NBAS: variants seen among roughly 807,000 people sequenced by gnomAD.
NBAS encodes NAG/BC035112 fusion.
NBAS carries 219 observed loss-of-function variants against 302.5 expected under a neutral mutation model. The observed-to-expected ratio is 0.72, with a 90% CI of 0.65 to 0.81. The LOEUF is 0.81. Ranked by LOEUF, NBAS falls within the 30% of genes least tolerant of loss-of-function variation. The probability of loss-of-function intolerance (pLI) is 0.00; values close to 1 mark genes in which losing one functional copy is unlikely to be tolerated. For synonymous variants in NBAS, 1,118 were observed against 1,021.6 expected (o/e 1.09, Z -1.80); for missense variants, 2,932 against 2,841.6 (o/e 1.03, Z -0.72).
intron 40 of NBAS, among the ~76,000 whole-genome samples, chr2:15,294,634 C>T (rs1247293851): frequency 1.3e-5 from 2 of 152,214 alleles, no homozygotes; most frequent in Admixed American, 6.5e-5. Context: ...TCTTCACCTG[C>T]TCAGCACTCT....
the NBAS span, among the ~76,000 whole-genome samples, chr2:15,142,620 C>T: frequency 6.6e-6 from 1 of 152,222 alleles, no homozygotes; most frequent in Non-Finnish European, 1.5e-5. Context: ...TTGCTAAAAA[C>T]TCCAAATACA....
At chr2:15,157,182 G>T in the NBAS span, among the ~76,000 whole-genome samples, 61,157 of 151,900 alleles carry the variant, frequency 0.4, 13,330 homozygotes, top group East Asian at 0.57. Flanking sequence ...CTGTCTGATG[G>T]CGAGGTTGCA....
chr2:15,426,678 T>C (rs1464483900), intron 22 of NBAS, among the ~76,000 whole-genome samples: 1 of 152,238 alleles, frequency 6.6e-6, no homozygotes, highest in Admixed American at 6.5e-5. Flanking sequence ...CTCCAGGTAA[T>C]ATTAATGATA....
the NBAS span, among the ~76,000 whole-genome samples, chr2:15,088,753 A>T: frequency 6.6e-6 from 1 of 152,236 alleles, no homozygotes; most frequent in Non-Finnish European, 1.5e-5. Context: ...GTGGAAAGTG[A>T]TAAGGGACAT....
the NBAS span, among the ~76,000 whole-genome samples, chr2:15,136,942 A>G: frequency 1.3e-5 from 2 of 152,152 alleles, no homozygotes; most frequent in Non-Finnish European, 2.9e-5. Context: ...ACTCCTCCCC[A>G]GCCATGTGAA....
At chr2:14,957,652 G>T in the NBAS span, among the ~76,000 whole-genome samples, 3 of 152,130 alleles carry the variant, frequency 2.0e-5, no homozygotes, top group South Asian at 2.1e-4. Flanking sequence ...TCTCCAGCCA[G>T]GTGGCCTCCT....
intron 38 of NBAS, among the ~76,000 whole-genome samples, chr2:15,316,149 G>T (rs565926705): frequency 6.6e-6 from 1 of 152,176 alleles, no homozygotes; most frequent in Admixed American, 6.5e-5. Flanking sequence ...CAGTGTGCAC[G>T]AATTTAATTT....
chr2:15,329,987 T>C (rs1672248964), intron 36 of NBAS, among the ~76,000 whole-genome samples: 1 of 152,218 alleles, frequency 6.6e-6, no homozygotes, highest in African/African-American at 2.4e-5. Flanking sequence ...ACTGAAGTGT[T>C]TCTTCACCAT....
chr2:15,016,236 G>A, the NBAS span, among the ~76,000 whole-genome samples: 1 of 152,048 alleles, frequency 6.6e-6, no homozygotes, highest in Non-Finnish European at 1.5e-5. Context: ...CAAGCAAAAG[G>A]AGAAGCCATA....
the NBAS span, among the ~76,000 whole-genome samples, chr2:14,905,873 A>G: frequency 1.3e-5 from 2 of 152,178 alleles, no homozygotes; most frequent in Non-Finnish European, 2.9e-5. Context: ...ACAATGCCCC[A>G]TTCAAAAACA....
chr2:14,928,435 G>A, the NBAS span, among the ~76,000 whole-genome samples: 1 of 152,094 alleles, frequency 6.6e-6, no homozygotes, highest in Non-Finnish European at 1.5e-5. Context: ...CATCACACTT[G>A]GGAAGAGCTT....
At chr2:14,986,924 AT>A in the NBAS span, among the ~76,000 whole-genome samples, 6 of 152,060 alleles carry the variant, frequency 3.9e-5, no homozygotes, top group Non-Finnish European at 2.9e-5. Context: ...AGAAATTTTT[AT>A]TTTTTTAATT....
the NBAS span, among the ~76,000 whole-genome samples, chr2:15,056,100 G>T: frequency 9.5e-5 from 1 of 10,512 alleles, no homozygotes; most frequent in Non-Finnish European, 1.8e-4. Context: ...TCTCCTGGAA[G>T]TAAAAAAAAA....
the NBAS span, among the ~76,000 whole-genome samples, chr2:14,860,752 A>T: frequency 6.6e-6 from 1 of 152,150 alleles, no homozygotes; most frequent in Non-Finnish European, 1.5e-5. Context: ...TTGATAGAAG[A>T]AGTAAGACGT....
chr2:15,383,204 T>C lies in NBAS; in HGVS notation c.3360+11A>G, dbSNP rs760534971. The C allele has an allele frequency of 6.2e-7, 1 of 1,607,044 alleles. No individual in the cohort carries two copies. The highest frequency in any genetic ancestry group is 1.3e-5 in the African/African-American group (1 of 74,840). On this transcript the variant is annotated intron_variant, in intron 29 of 51. Coordinates refer to ENST00000281513, the MANE Select transcript of NBAS (RefSeq NM_015909.4). ...AAATTAAAAAAAAATCGTATATGGTTCTAGAGTTACCTCATAGCAGGCATC... is the reference window on the plus strand; with the variant it reads ...AAATTAAAAAAAAATCGTATATGGTCCTAGAGTTACCTCATAGCAGGCATC...
intron 35 of NBAS, among the ~76,000 whole-genome samples, chr2:15,342,640 C>T (rs758947362): frequency 6.6e-6 from 1 of 151,660 alleles, no homozygotes; most frequent in Non-Finnish European, 1.5e-5. Flanking sequence ...ATAGAAAGAT[C>T]AGAGGGAGGA....
chr2:15,314,873 G>C (rs1402809291), intron 38 of NBAS, among the ~76,000 whole-genome samples: 1 of 152,144 alleles, frequency 6.6e-6, no homozygotes, highest in African/African-American at 2.4e-5. Flanking sequence ...CCTACGGATG[G>C]ATACAACATA....
At chr2:15,143,776 A>G in the NBAS span, among the ~76,000 whole-genome samples, 1 of 151,928 alleles carries the variant, frequency 6.6e-6, no homozygotes. Context: ...AAGTAGACCT[A>G]CCCTTAATCT....
intron 44 of NBAS, among the ~76,000 whole-genome samples, chr2:15,245,177 A>G (rs1157292107): frequency 6.6e-6 from 1 of 152,066 alleles, no homozygotes; most frequent in Non-Finnish European, 1.5e-5. Flanking sequence ...CAACTCACTA[A>G]GAATAAAAGC....
Sources: allele counts gnomAD v4.1 joint callset (sites outside exome capture counted in the v4.1 genomes callset), GRCh38; gene constraint gnomAD v4.1.1; transcripts MANE v1.5; gene names NCBI Gene and HGNC (gene_info 2026-07-23, HGNC 2026-07-21).